STARD13: variants seen among roughly 807,000 people sequenced by gnomAD.
The protein encoded by STARD13 is stAR-related lipid transfer protein 13.
STARD13 carries 62 observed loss-of-function variants against 106.4 expected under a neutral mutation model. The observed-to-expected ratio is 0.58, with a 90% confidence interval of 0.48 to 0.72. The LOEUF is 0.72. Ranked by LOEUF, STARD13 falls within the 30% of genes least tolerant of loss-of-function variation. STARD13 has a pLI of 0.00. For missense variants in STARD13, 1,387 were observed against 1,424.0 expected (o/e 0.97, Z 0.42); for synonymous variants, 565 against 553.0 (o/e 1.02, Z -0.31).
the STARD13 span, among the ~76,000 whole-genome samples, chr13:33,540,078 C>T: frequency 7.2e-5 from 11 of 152,196 alleles, no homozygotes; most frequent in Admixed American, 3.3e-4. Context: ...GATAAAAAGA[C>T]CTGTCACCCT....
chr13:33,400,854 A>T, the STARD13 span, among the ~76,000 whole-genome samples: 3 of 152,290 alleles, frequency 2.0e-5, no homozygotes, highest in Admixed American at 1.3e-4. Flanking sequence ...ATTTCAGCAC[A>T]TGTAAATAAT....
chr13:33,453,207 A>G, the STARD13 span, among the ~76,000 whole-genome samples: 1 of 152,372 alleles, frequency 6.6e-6, no homozygotes, highest in Non-Finnish European at 1.5e-5. Context: ...TCTTTATAAG[A>G]GTAGTTTTTG....
the STARD13 span, among the ~76,000 whole-genome samples, chr13:33,357,992 G>A: frequency 6.6e-6 from 1 of 152,222 alleles, no homozygotes; most frequent in East Asian, 1.9e-4. Flanking sequence ...AGAGGCACGA[G>A]CGGGAACCGG....
the STARD13 span, among the ~76,000 whole-genome samples, chr13:33,644,805 T>C: frequency 6.6e-6 from 1 of 151,942 alleles, no homozygotes; most frequent in African/African-American, 2.4e-5. Flanking sequence ...CCCCTGGGAG[T>C]TTCTCTGGAC....
At chr13:33,469,169 G>A in the STARD13 span, among the ~76,000 whole-genome samples, 1 of 152,048 alleles carries the variant, frequency 6.6e-6, no homozygotes, top group African/African-American at 2.4e-5. Flanking sequence ...AAGACTATAA[G>A]GAAGATATTA....
chr13:33,573,091 A>G, the STARD13 span, among the ~76,000 whole-genome samples: 1 of 152,152 alleles, frequency 6.6e-6, no homozygotes, highest in African/African-American at 2.4e-5. Flanking sequence ...AGGGCTCTAC[A>G]TGAAAGGTGA....
At chr13:33,184,709 T>C (rs1436012621) in intron 1 of STARD13, among the ~76,000 whole-genome samples, 3 of 152,242 alleles carry the variant, frequency 2.0e-5, no homozygotes, top group African/African-American at 7.2e-5. Flanking sequence ...GCTGCAATCC[T>C]GGTCTCTGTC....
At chr13:33,319,687 G>T (rs1010477961) in intron 1 of STARD13, among the ~76,000 whole-genome samples, 1 of 152,162 alleles carries the variant, frequency 6.6e-6, no homozygotes, top group South Asian at 2.1e-4. Context: ...TCTTGGTGTG[G>T]GTCAATCATT....
chr13:33,542,867 C>T, the STARD13 span, among the ~76,000 whole-genome samples: 1 of 152,190 alleles, frequency 6.6e-6, no homozygotes, highest in Non-Finnish European at 1.5e-5. Flanking sequence ...GCGGAGGTGG[C>T]ACGCGCCCTT....
At chr13:33,434,893 AGAAGGAAGGAAGGAAGGAAGGAAG>A in the STARD13 span, among the ~76,000 whole-genome samples, 1 of 130,532 alleles carries the variant, frequency 7.7e-6, no homozygotes, top group Admixed American at 7.9e-5. Context: ...AGGGAAGGAA[AGAAGGAAGGAAGGAAGGAAGGAAG>A]GAAGGAAGGA....
chr13:33,118,796 G>T (rs557565068), intron 7 of STARD13, among the ~76,000 whole-genome samples: 1 of 152,260 alleles, frequency 6.6e-6, no homozygotes, highest in Admixed American at 6.5e-5. Flanking sequence ...GAGTTTTATG[G>T]GGAATATGTT....
At chr13:33,470,553 A>G in the STARD13 span, among the ~76,000 whole-genome samples, 1 of 152,182 alleles carries the variant, frequency 6.6e-6, no homozygotes, top group Non-Finnish European at 1.5e-5. Flanking sequence ...GTGTAAAAGC[A>G]TTCCTATTTC....
chr13:33,427,980 A>G, the STARD13 span, among the ~76,000 whole-genome samples: 2 of 151,514 alleles, frequency 1.3e-5, no homozygotes, highest in Non-Finnish European at 2.9e-5. Context: ...AAAATTAGAC[A>G]CATAGACCAA....
chr13:33,270,525 T>C (rs1194335197), intron 1 of STARD13, among the ~76,000 whole-genome samples: 1 of 152,170 alleles, frequency 6.6e-6, no homozygotes, highest in Non-Finnish European at 1.5e-5. Flanking sequence ...TATTACAGAA[T>C]AGTAGGAGCT....
the STARD13 span, among the ~76,000 whole-genome samples, chr13:33,597,390 C>CTT: frequency 6.8e-6 from 1 of 147,476 alleles, no homozygotes; most frequent in African/African-American, 2.5e-5. Context: ...TTGGGTTTCT[C>CTT]TTTTTTTTTT....
the STARD13 span, among the ~76,000 whole-genome samples, chr13:33,606,724 C>G: frequency 6.6e-6 from 1 of 152,226 alleles, no homozygotes; most frequent in African/African-American, 2.4e-5. Flanking sequence ...TAAAATAACA[C>G]AAATGTCTTA....
intron 1 of STARD13, among the ~76,000 whole-genome samples, chr13:33,325,087 G>A (rs1026345740): frequency 8.5e-5 from 13 of 152,154 alleles, no homozygotes; most frequent in African/African-American, 2.9e-4. Context: ...GACGTAAACT[G>A]AAAAGCTTCA....
chr13:33,279,982 A>C (rs537073407), intron 1 of STARD13: 2 of 150,228 alleles, frequency 1.3e-5, no homozygotes, highest in Non-Finnish European at 3.0e-5. Context: ...AAAAAAAAAA[A>C]CAAACAGACA....
At chr13:33,319,913 C>T (rs1299219149) in intron 1 of STARD13, among the ~76,000 whole-genome samples, 3 of 152,174 alleles carry the variant, frequency 2.0e-5, no homozygotes, top group African/African-American at 7.2e-5. Context: ...CGGAACCATA[C>T]CATCCAAGTT....
Sources: gnomAD v4.1 joint callset for allele counts (sites outside exome capture counted in the v4.1 genomes callset) on GRCh38, gnomAD v4.1.1 for gene constraint, MANE v1.5 for transcripts, NCBI Gene and HGNC (gene_info 2026-07-23, HGNC 2026-07-21) for gene names.